The following AXDND1 variants were observed in gnomAD, a reference collection of about 807,000 sequenced individuals.
The protein encoded by AXDND1 is axonemal dynein light chain domain-containing protein 1.
Under a neutral mutation model 137.5 loss-of-function variants are expected in AXDND1, and 110 were observed. The observed-to-expected ratio is 0.80, with a 90% CI of 0.69 to 0.94. The LOEUF is 0.94. Ranked by LOEUF, AXDND1 falls within the 40% of genes least tolerant of loss-of-function variation. The probability of loss-of-function intolerance (pLI) is 0.00; values close to 1 mark genes in which losing one functional copy is unlikely to be tolerated. For synonymous variants in AXDND1, 414 were observed against 399.7 expected, an observed-to-expected ratio of 1.04 and a Z score of -0.43; for missense variants, 1,191 against 1,169.8, an observed-to-expected ratio of 1.02 and a Z score of -0.26.
At chr1:179,468,256 C>T (rs2125478480) in intron 16 of AXDND1, among the ~76,000 whole-genome samples, 187 bp from the exon 17 acceptor site, 1 of 152,280 alleles carries the variant, frequency 6.6e-6, no homozygotes. Context: ...GCACCAATTA[C>T]ACAGTGCTTA....
At chr1:179,405,386 G>A (rs1299312237) in intron 11 of AXDND1, among the ~76,000 whole-genome samples, 1 of 152,182 alleles carries the variant, frequency 6.6e-6, no homozygotes, top group African/African-American at 2.4e-5. Flanking sequence ...AAACATACGT[G>A]TGCATGTGTT....
chr1:179,430,769 C>A (rs11581470), intron 14 of AXDND1, among the ~76,000 whole-genome samples, 163 bp downstream of exon 14: 2 of 152,022 alleles, frequency 1.3e-5, no homozygotes, highest in East Asian at 3.9e-4. Context: ...CTTGAATAGT[C>A]CTGTGGTTTC....
At chr1:179,488,628 CTCTCTCCTTTCTTTCTTTCTT>C (rs1666368622) in intron 18 of AXDND1, among the ~76,000 whole-genome samples, 1 of 61,764 alleles carries the variant, frequency 1.6e-5, no homozygotes, top group South Asian at 6.3e-4. Flanking sequence ...TTCTCTCTCT[CTCTCTCCTTTCTTTCTTTCTT>C]TCTTTCTTTC....
intron 12 of AXDND1, among the ~76,000 whole-genome samples, chr1:179,419,687 G>A (rs1655385281): frequency 6.6e-6 from 1 of 150,578 alleles, no homozygotes; most frequent in Non-Finnish European, 1.5e-5. Flanking sequence ...GGGAGAGGGA[G>A]AGGGAGAGGG....
At chr1:179,426,577 C>T (rs1459387577) in intron 12 of AXDND1, among the ~76,000 whole-genome samples, 1 of 152,150 alleles carries the variant, frequency 6.6e-6, no homozygotes, top group East Asian at 1.9e-4. Flanking sequence ...ATTAACCAAT[C>T]ACACAGGCAA....
chr1:179,489,158 T>C lies in AXDND1; in HGVS notation c.2092-2380T>C, dbSNP rs1349189610. Among the ~76,000 whole-genome samples the C allele has an allele frequency of 1.3e-5, 2 of 152,158 alleles. 1 individual carries two copies. The highest frequency in any genetic ancestry group is 4.8e-5 in the African/African-American group (2 of 41,430). ...AGTCAATTCATCTTAAAATGTCTTTTAAGAATTTTATATAAGAATCACAGT... is the reference window on the plus strand; with the variant it reads ...AGTCAATTCATCTTAAAATGTCTTTCAAGAATTTTATATAAGAATCACAGT... On this transcript the variant is annotated intron_variant, in intron 18 of 25. Coordinates refer to ENST00000367618, the MANE Select transcript of AXDND1 (RefSeq NM_144696.6).
At chr1:179,530,719 T>C (rs1670966742) in intron 23 of AXDND1, among the ~76,000 whole-genome samples, 2 of 152,194 alleles carry the variant, frequency 1.3e-5, no homozygotes. Flanking sequence ...GTCTAGGTTC[T>C]GATTAACCAA....
At chr1:179,447,557 C>T in intron 16 of AXDND1, 1 of 844,686 alleles carries the variant, frequency 1.2e-6, no homozygotes, top group East Asian at 2.7e-5. Context: ...GTATAAAATA[C>T]ATGTTTTAAA....
chr1:179,458,234 TG>T (rs2125428364), intron 16 of AXDND1, among the ~76,000 whole-genome samples: 1 of 152,132 alleles, frequency 6.6e-6, no homozygotes, highest in African/African-American at 2.4e-5. Flanking sequence ...TCACCCACCT[TG>T]GCCTCCCAAA....
chr1:179,446,250 GA>G (rs1169687460), intron 16 of AXDND1, among the ~76,000 whole-genome samples: 1 of 152,110 alleles, frequency 6.6e-6, no homozygotes, highest in African/African-American at 2.4e-5. Flanking sequence ...TACTACCAGA[GA>G]ACAGATACCA....
chr1:179,513,418 G>A (rs1243076502), intron 21 of AXDND1, among the ~76,000 whole-genome samples: 4 of 152,044 alleles, frequency 2.6e-5, no homozygotes, highest in Non-Finnish European at 5.9e-5. Context: ...TGTAACCCAC[G>A]TGATCATGGT....
intron 18 of AXDND1, among the ~76,000 whole-genome samples, chr1:179,485,430 C>G (rs747837001): frequency 2.6e-5 from 4 of 152,140 alleles, no homozygotes; most frequent in Non-Finnish European, 5.9e-5. Context: ...CTAAGCTGAG[C>G]CTTGGACCCC....
Position 179,368,863 on chromosome 1 carries a change from T to G in AXDND1, c.161T>G (p.Leu54Arg). 6.2e-7 allele frequency: 1 copy of G among 1,613,830 alleles called. No individual in the cohort carries two copies. Among genetic ancestry groups the G allele is most frequent in the Non-Finnish European group, 8.5e-7 (1 of 1,179,722 alleles). The stretch of plus-strand genomic sequence containing the variant: ...CGTTCAAAACTCCTTCCTACTTCCC[T>G]TCAGAATGAGTTCATTCCCAAAGAA... Reference protein sequence around the residue: ...VDRSKLLPTSLQNEFIPKEVL... With the variant: ...VDRSKLLPTSRQNEFIPKEVL... The change falls in exon 3 of 26, where the codon CTT (leucine) becomes CGT (arginine). Residue 54 changes from leucine (L) to arginine (R), a missense_variant. Physicochemically the swap from Leu to Arg is moderately radical, Grantham distance 102. Transcript: ENST00000367618.
intron 20 of AXDND1, among the ~76,000 whole-genome samples, chr1:179,493,338 A>G (rs12408128): frequency 0.1 from 15,582 of 152,240 alleles, 1,139 homozygotes; most frequent in East Asian, 0.35. Context: ...TTTATCAACC[A>G]CTTATGCTTT....
intron 3 of AXDND1, 27 bp downstream of exon 3, chr1:179,368,999 G>A (rs770173067): frequency 2.6e-6 from 4 of 1,542,402 alleles, no homozygotes; most frequent in Non-Finnish European, 2.6e-6. Context: ...GTAGAGTAAT[G>A]GGGAACATTA....
chr1:179,542,838 C>A (rs1209332665), intron 25 of AXDND1, among the ~76,000 whole-genome samples: 1 of 152,168 alleles, frequency 6.6e-6, no homozygotes, highest in Non-Finnish European at 1.5e-5. Flanking sequence ...CCCAGCCACC[C>A]TTCCCCCTCC....
intron 15 of AXDND1, among the ~76,000 whole-genome samples, chr1:179,441,705 G>A (rs540583249): frequency 2.4e-4 from 36 of 152,232 alleles, no homozygotes; most frequent in African/African-American, 8.2e-4. Flanking sequence ...CACATTTAGC[G>A]GCCTGTACAC....
chr1:179,470,927 T>C (rs1434449855), intron 17 of AXDND1, among the ~76,000 whole-genome samples: 1 of 152,202 alleles, frequency 6.6e-6, no homozygotes, highest in African/African-American at 2.4e-5. Context: ...TTTTCTTCTA[T>C]TCCTAATTTG....
chr1:179,506,599 G>A (rs1288760360), intron 20 of AXDND1, among the ~76,000 whole-genome samples: 2 of 152,124 alleles, frequency 1.3e-5, no homozygotes, highest in Non-Finnish European at 2.9e-5. Context: ...GGGCATGGTG[G>A]CATGCCTGTA....
Sources: allele counts gnomAD v4.1 joint callset (sites outside exome capture counted in the v4.1 genomes callset), GRCh38; gene constraint gnomAD v4.1.1; transcripts MANE v1.5; gene names NCBI Gene and HGNC (gene_info 2026-07-23, HGNC 2026-07-21).